Variants in GLYCTK observed in about 807,000 individuals in gnomAD.
The protein encoded by GLYCTK is glycerate kinase.
A neutral mutation model predicts 24.8 loss-of-function variants in GLYCTK; 22 were observed. The ratio of observed to expected loss-of-function variants is 0.89; its 90% confidence interval spans 0.63 to 1.27. The LOEUF (loss-of-function observed/expected upper bound fraction) is 1.27, where lower values mean the gene tolerates loss of function less well. Ranked by LOEUF, GLYCTK falls within the 50% of genes most tolerant of loss-of-function variation. GLYCTK has a pLI of 0.00. For synonymous variants in GLYCTK, 320 were observed against 297.2 expected (o/e 1.08, Z -0.79); for missense variants, 684 against 686.7 (o/e 1.00, Z 0.04).
chr3:52,290,218 C>A, intron 1 of GLYCTK, 86 bp from the exon 2 acceptor site: 1 of 1,124,090 alleles, frequency 8.9e-7, no homozygotes, highest in Non-Finnish European at 1.2e-6. Context: ...GTGGGGTCCA[C>A]TGGCCCTGAG....
rs1700472557 is a variant in GLYCTK, at chr3:52,291,630, G to C, written c.530-117G>C. 3.2e-6 allele frequency: 3 copies of C among 945,686 alleles called. No individual in the cohort carries two copies. The East Asian group carries it at 7.5e-5, about 24-fold the overall frequency. 58.6% of individuals were successfully genotyped at this position (945,686 alleles called of 1,614,324 possible). A position where few individuals can be genotyped will look rare whatever the true frequency, so the allele number is the denominator to read the frequency against. On this transcript the variant is annotated intron_variant, in intron 3 of 4. Transcript: ENST00000436784. Reference sequence around the variant, plus strand: ...TACACATATTGCATATCCACAGGGGGGCACCCTAACCCCACCTTTCCAGCC... The same window carrying C: ...TACACATATTGCATATCCACAGGGGCGCACCCTAACCCCACCTTTCCAGCC...
Position 52,291,802 on chromosome 3 carries a change from G to A in GLYCTK, c.585G>A (p.Lys195=), listed in dbSNP as rs997590156. ...APIPPVTLEE[K]QTLTRLLAAR... is the part of the protein sequence containing the mutation. ...TCCCACCTGTCACACTGGAGGAGAAGCAGACACTCACTAGACTGCTGGCAG... is the reference window on the plus strand; with the variant it reads ...TCCCACCTGTCACACTGGAGGAGAAACAGACACTCACTAGACTGCTGGCAG... The change falls in exon 4 of 5, where the codon AAG becomes AAA. Residue 195 remains lysine (K), a synonymous_variant. Transcript: ENST00000436784. The A allele has an allele frequency of 2.5e-6, 4 of 1,613,874 alleles. No individual in the cohort carries two copies. The highest frequency in any genetic ancestry group is 3.4e-6 in the Non-Finnish European group (4 of 1,180,014).
chr3:52,291,062 A>G lies in GLYCTK; in HGVS notation c.480A>G (p.Gln160=), dbSNP rs762771359. Residue 160 remains glutamine (Q), a synonymous_variant, in exon 3 of 5, where the codon CAA becomes CAG. Transcript: ENST00000436784. ...DALRAALAIQ[Q]LAEGLTADDL... is the part of the protein sequence containing the mutation. Reference sequence around the variant, plus strand: ...TGCGGGCTGCACTGGCCATCCAGCAACTGGCTGAGGGACTCACAGCTGATG... The same window carrying G: ...TGCGGGCTGCACTGGCCATCCAGCAGCTGGCTGAGGGACTCACAGCTGATG... The G allele has an allele frequency of 1.4e-5, 23 of 1,613,298 alleles. No homozygotes were observed. Among genetic ancestry groups the G allele is most frequent in the Non-Finnish European group, 1.9e-5 (23 of 1,180,026 alleles).
At chr3:52,289,744 T>A (rs938047373) in intron 1 of GLYCTK, among the ~76,000 whole-genome samples, 1 of 152,222 alleles carries the variant, frequency 6.6e-6, no homozygotes, top group African/African-American at 2.4e-5. Flanking sequence ...CAGCCTCCTA[T>A]AGACCCTGAC....
rs141653227 is a variant in GLYCTK, at chr3:52,290,675, C to T, written c.333C>T (p.Ser111=). Residue 111 remains serine (S), a synonymous_variant, in exon 2 of 5, where the codon AGC becomes AGT. Transcript: ENST00000436784. The part of the protein sequence containing the change: ...LGQHLVQGVI[S]VPKGIRAAME... ...AGCATCTTGTGCAGGGCGTGATCAG[C>T]GTTCCCAAGGGGATCCGTGCTGCCA... 130 of 1,613,490 alleles carry T rather than the reference C, an allele frequency of 8.1e-5. No homozygotes were observed. The African/African-American group carries it at 1.5e-3, about 19-fold the overall frequency.
Position 52,295,004 on chromosome 3 carries a change from G to A in GLYCTK, c.*1878G>A. The A allele has an allele frequency of 2.2e-6, 1 of 454,060 alleles. No individual in the cohort carries two copies. The highest frequency in any genetic ancestry group is 1.6e-5 in the South Asian group (1 of 64,474). 28.1% of individuals were successfully genotyped at this position (454,060 alleles called of 1,614,324 possible). The stretch of plus-strand genomic sequence containing the variant: ...GGGTATGGATAGGATCTTGCAGGAG[G>A]TTCCCCCTGCTCTACATTGACCCCT... On this transcript the variant is annotated 3_prime_UTR_variant, in exon 5 of 5. Transcript: ENST00000436784.
Position 52,293,885 on chromosome 3 carries a change from C to T in GLYCTK, c.*759C>T. The T allele has an allele frequency of 2.2e-6, 1 of 454,100 alleles. No individual in the cohort carries two copies. The highest frequency in any genetic ancestry group is 1.6e-5 in the South Asian group (1 of 64,478). The allele number at this position is 454,100 out of a possible 1,614,324, so 28.1% of individuals were successfully genotyped here. ...GCCACATACTGCACTTCTGGTTGAG[C>T]TGAAGTTTGTCCCACCCCCCAGTGC... is the stretch of plus-strand genomic sequence containing the variant. On this transcript the variant is annotated 3_prime_UTR_variant, in exon 5 of 5. Transcript: ENST00000436784.
Position 52,290,555 on chromosome 3 carries a change from G to A in GLYCTK, c.213G>A (p.Arg71=), listed in dbSNP as rs762416260. 6 of 1,613,756 alleles carry A rather than the reference G, an allele frequency of 3.7e-6. No homozygotes were observed. The Admixed American group carries it at 5.0e-5, about 13-fold the overall frequency. The change falls in exon 2 of 5, where the codon CGG becomes CGA. Residue 71 remains arginine (R), a synonymous_variant. Coordinates refer to ENST00000436784, the MANE Select transcript of GLYCTK (RefSeq NM_145262.4). ...LDPGGRQLKV[R]DRNFQLRQNL... ...CTGGTGGCAGACAGCTGAAGGTGCG[G>A]GACCGGAACTTTCAGCTGAGGCAAA...
intron 1 of GLYCTK, among the ~76,000 whole-genome samples, chr3:52,289,864 G>T (rs972189034): frequency 2.6e-5 from 4 of 152,244 alleles, no homozygotes; most frequent in Admixed American, 1.3e-4. Context: ...GGCAGCAGAG[G>T]TGGTAAAGAG....
chr3:52,288,016 A>C (rs918065993), intron 1 of GLYCTK, 140 bp downstream of exon 1: 4 of 303,930 alleles, frequency 1.3e-5, no homozygotes, highest in Non-Finnish European at 2.8e-5. Context: ...CTAAGGCCCT[A>C]CCTTAGGATG....
Position 52,291,829 on chromosome 3 carries a change from C to G in GLYCTK, c.612C>G (p.Ala204=). The G allele has an allele frequency of 6.2e-7, 1 of 1,613,920 alleles. No individual in the cohort carries two copies. The highest frequency in any genetic ancestry group is 8.5e-7 in the Non-Finnish European group (1 of 1,180,002). The change falls in exon 4 of 5, where the codon GCC becomes GCG. Residue 204 remains alanine, a synonymous_variant. Transcript: ENST00000436784. ...EKQTLTRLLA[A]RGATIQELNT... ...AGACACTCACTAGACTGCTGGCAGCCCGTGGAGCCACCATCCAGGAGTTGA... is the reference window on the plus strand; with the variant it reads ...AGACACTCACTAGACTGCTGGCAGCGCGTGGAGCCACCATCCAGGAGTTGA...
rs988300145 is a variant in GLYCTK at position 52,293,380 on chromosome 3, G to A, written c.*254G>A. 3 of 682,670 alleles carry A rather than the reference G, an allele frequency of 4.4e-6. No individual in the cohort carries two copies. Among genetic ancestry groups the A allele is most frequent in the Non-Finnish European group, 8.1e-6 (3 of 372,518 alleles). 42.3% of individuals were successfully genotyped at this position (682,670 alleles called of 1,614,324 possible). A position where few individuals can be genotyped will look rare whatever the true frequency, so the allele number is the denominator to read the frequency against. ...GCCCCTCGGCCAGTTCAGCGTTCCC[G>A]TGCTTCTCCCTTGGGCAGCCTCTCT... On this transcript the variant is annotated 3_prime_UTR_variant, in exon 5 of 5. Transcript: ENST00000436784.
At position 52,290,418 on chromosome 3, in the gene GLYCTK, G is replaced by A. The variant is rs768035054; in HGVS notation, c.76G>A (p.Ala26Thr). 4 of 1,610,502 alleles carry A rather than the reference G, an allele frequency of 2.5e-6. No individual in the cohort carries two copies. In the East Asian group the frequency reaches 6.7e-5, roughly 27 times the overall value. ...TCCACTCCTCTGGCGGGGCTCAGTG[G>A]CCCGTCTGGCCAGCAGCATGGCCTT... The part of the protein sequence containing the change: ...LHPLLWRGSV[A>T]RLASSMALAE... The change falls in exon 2 of 5, where the codon GCC becomes ACC. Residue 26 changes from alanine to threonine, a missense_variant. By Grantham distance (58) the Ala-to-Thr change is moderately conservative. Transcript: ENST00000436784.
At position 52,294,350 on chromosome 3, in the gene GLYCTK, C is replaced by T. The variant is rs756604733; in HGVS notation, c.*1224C>T. On this transcript the variant is annotated 3_prime_UTR_variant, in exon 5 of 5. Coordinates refer to ENST00000436784, the MANE Select transcript of GLYCTK (RefSeq NM_145262.4). ...GCACTTCTTCCACCCCAACCCTCCC[C>T]TCCTCCCTGAGGGTGTGGAGGGGCC... 9 of 533,968 alleles carry T rather than the reference C, an allele frequency of 1.7e-5. No individual in the cohort carries two copies. Among genetic ancestry groups the T allele is most frequent in the Non-Finnish European group, 3.5e-5 (9 of 259,940 alleles). The allele number at this position is 533,968 out of a possible 1,614,324, so 33.1% of individuals were successfully genotyped here. A position where few individuals can be genotyped will look rare whatever the true frequency, so the allele number is the denominator to read the frequency against.
At chr3:52,292,197 T>TGGATA in intron 4 of GLYCTK, 63 bp from the exon 5 acceptor site, 1 of 1,605,370 alleles carries the variant, frequency 6.2e-7, no homozygotes, top group East Asian at 2.2e-5. Flanking sequence ...GGGCAGTTTG[T>TGGATA]CCTTATGGGC....
In GLYCTK at chr3:52,293,028, T is replaced by A; in HGVS notation, c.1474T>A (p.Phe492Ile). ...TFLAHNDSHT[F>I]FCCLQGGAHL... ...CCTAGCCCACAATGACTCACATACC[T>A]TCTTCTGCTGCCTCCAGGGTGGGGC... The change falls in exon 5 of 5, where the codon TTC becomes ATC. Residue 492 changes from phenylalanine to isoleucine, a missense_variant. By Grantham distance (21) the Phe-to-Ile change is conservative (BLOSUM62 0). Transcript: ENST00000436784. The A allele has an allele frequency of 6.2e-7, 1 of 1,614,028 alleles. No homozygotes were observed. The highest frequency in any genetic ancestry group is 8.5e-7 in the Non-Finnish European group (1 of 1,179,986).
intron 1 of GLYCTK, among the ~76,000 whole-genome samples, chr3:52,288,384 A>G (rs551410483): frequency 3.6e-4 from 55 of 151,838 alleles, no homozygotes; most frequent in Non-Finnish European, 7.4e-4. Flanking sequence ...TAATTTTTGT[A>G]TTTTTAGAAG....
rs762152711 is a variant in GLYCTK, at chr3:52,294,348, C to T, written c.*1222C>T. On this transcript the variant is annotated 3_prime_UTR_variant, in exon 5 of 5. Transcript: ENST00000436784. Reference sequence around the variant, plus strand: ...AGGCACTTCTTCCACCCCAACCCTCCCCTCCTCCCTGAGGGTGTGGAGGGG... The same window carrying T: ...AGGCACTTCTTCCACCCCAACCCTCTCCTCCTCCCTGAGGGTGTGGAGGGG... 2 of 534,112 alleles carry T rather than the reference C, an allele frequency of 3.7e-6. No individual in the cohort carries two copies. Among genetic ancestry groups the T allele is most frequent in the South Asian group, 2.8e-5 (2 of 71,594 alleles). The allele number at this position is 534,112 out of a possible 1,614,324, so 33.1% of individuals were successfully genotyped here.
Position 52,293,420 on chromosome 3 carries a change from C to T in GLYCTK, c.*294C>T. ...GCAGCCTCTCTCTTGAGCCCCTCACCCTGTTTCTTTCTGTGAAGCGAGAAT... is the reference window on the plus strand; with the variant it reads ...GCAGCCTCTCTCTTGAGCCCCTCACTCTGTTTCTTTCTGTGAAGCGAGAAT... On this transcript the variant is annotated 3_prime_UTR_variant, in exon 5 of 5. Coordinates refer to ENST00000436784, the MANE Select transcript of GLYCTK (RefSeq NM_145262.4). The T allele has an allele frequency of 1.6e-6, 1 of 642,146 alleles. No individual in the cohort carries two copies. Among genetic ancestry groups the T allele is most frequent in the African/African-American group, 1.8e-5 (1 of 56,146 alleles). 39.8% of individuals were successfully genotyped at this position (642,146 alleles called of 1,614,324 possible).
Sources: allele counts gnomAD v4.1 joint callset (sites outside exome capture counted in the v4.1 genomes callset), GRCh38; gene constraint gnomAD v4.1.1; transcripts MANE v1.5; gene names NCBI Gene and HGNC (gene_info 2026-07-23, HGNC 2026-07-21).